Variants in MINDY3 observed in about 807,000 individuals in gnomAD.
The protein encoded by MINDY3 is ubiquitin carboxyl-terminal hydrolase MINDY-3.
Under a neutral mutation model 69.2 loss-of-function variants are expected in MINDY3, and 38 were observed. The ratio of observed to expected loss-of-function variants is 0.55; its 90% confidence interval spans 0.42 to 0.72. The LOEUF is 0.72. Ranked by LOEUF, MINDY3 falls within the 30% of genes least tolerant of loss-of-function variation. The probability of loss-of-function intolerance (pLI) is 0.00; values close to 1 mark genes in which losing one functional copy is unlikely to be tolerated. For missense variants in MINDY3, 522 were observed against 519.0 expected (o/e 1.01, Z -0.06); for synonymous variants, 192 against 180.1 (o/e 1.07, Z -0.53).
chr10:15,836,904 G>C (rs1833122708), intron 6 of MINDY3, among the ~76,000 whole-genome samples: 1 of 151,746 alleles, frequency 6.6e-6, no homozygotes, highest in African/African-American at 2.4e-5. Context: ...ACAGCTTCCA[G>C]AAGGGGTTAA....
Position 15,811,330 on chromosome 10 carries a change from A to G in MINDY3, c.882+5505T>C, listed in dbSNP as rs548721437. ...ACTTTCATCATATTTAATCGCTGAG[A>G]CCTTAGTTCATCCTGTATATAAATA... On this transcript the variant is annotated intron_variant, in intron 10 of 14. Transcript: ENST00000277632. 5.3e-5 allele frequency among the ~76,000 whole-genome samples: 8 copies of G among 152,250 alleles called. No individual in the cohort carries two copies. The East Asian group carries it at 1.5e-3, about 29-fold the overall frequency.
At chr10:15,827,021 G>C (rs1420499969) in intron 8 of MINDY3, among the ~76,000 whole-genome samples, 1 of 151,980 alleles carries the variant, frequency 6.6e-6, no homozygotes, top group Non-Finnish European at 1.5e-5. Flanking sequence ...TTGAGAGACT[G>C]AGGCAAGAGG....
intron 8 of MINDY3, among the ~76,000 whole-genome samples, chr10:15,828,578 T>TAAAA (rs57020273): frequency 1.4e-5 from 2 of 144,984 alleles, no homozygotes; most frequent in Admixed American, 6.9e-5. Context: ...AAGCTATAAG[T>TAAAA]AAAAAAAAAA....
chr10:15,834,031 A>C (rs555004755), intron 7 of MINDY3, among the ~76,000 whole-genome samples: 41 of 152,138 alleles, frequency 2.7e-4, no homozygotes, highest in African/African-American at 9.9e-4. Flanking sequence ...ATAATTATTA[A>C]TATTTTGTCT....
intron 11 of MINDY3, among the ~76,000 whole-genome samples, chr10:15,792,437 T>C (rs1441985705): frequency 1.3e-5 from 2 of 152,050 alleles, no homozygotes; most frequent in Non-Finnish European, 2.9e-5. Flanking sequence ...AGGTACAAAA[T>C]ATGGTGGCAC....
At chr10:15,781,563 C>T (rs551524255) in intron 14 of MINDY3, among the ~76,000 whole-genome samples, 159 of 152,134 alleles carry the variant, frequency 1.0e-3, no homozygotes, top group African/African-American at 3.7e-3. Context: ...GCTTTGTCAA[C>T]GGTTAGCAAA....
chr10:15,805,802 C>T (rs145305510), intron 10 of MINDY3, among the ~76,000 whole-genome samples: 9 of 152,234 alleles, frequency 5.9e-5, no homozygotes, highest in African/African-American at 1.4e-4. Flanking sequence ...AGAAGCTACT[C>T]CTTCAGCCCA....
chr10:15,802,927 A>G (rs1838369110), intron 10 of MINDY3, among the ~76,000 whole-genome samples: 1 of 152,196 alleles, frequency 6.6e-6, no homozygotes, highest in South Asian at 2.1e-4. Context: ...AGATGTGTTT[A>G]CACTAGAGGA....
intron 14 of MINDY3, 53 bp downstream of exon 14, chr10:15,782,102 A>G: frequency 2.3e-6 from 3 of 1,277,116 alleles, no homozygotes; most frequent in Admixed American, 3.5e-5. Context: ...ACATACTCAC[A>G]TAATTATTTC....
At chr10:15,814,356 A>G (rs1839211690) in intron 10 of MINDY3, among the ~76,000 whole-genome samples, 1 of 152,048 alleles carries the variant, frequency 6.6e-6, no homozygotes, top group African/African-American at 2.4e-5. Context: ...TACACAATGA[A>G]GCATCACAAT....
rs1833842528 is a variant in MINDY3 at position 15,846,343 on chromosome 10, T to A, written c.174+1521A>T. Among the ~76,000 whole-genome samples the A allele has an allele frequency of 2.0e-5, 3 of 152,158 alleles. No homozygotes were observed. The South Asian group carries it at 6.2e-4, about 31-fold the overall frequency. ...CTATTACTGACCAAGAGGGGCAGTATTTATATAATCTAATTTACATATGGA... is the reference window on the plus strand; with the variant it reads ...CTATTACTGACCAAGAGGGGCAGTAATTATATAATCTAATTTACATATGGA... On this transcript the variant is annotated intron_variant, in intron 2 of 14. Transcript: ENST00000277632.
intron 8 of MINDY3, among the ~76,000 whole-genome samples, chr10:15,827,231 A>C (rs1196533336): frequency 1.3e-5 from 2 of 151,556 alleles, no homozygotes; most frequent in African/African-American, 4.8e-5. Flanking sequence ...AAAAAGACCA[A>C]ATGATTTAAC....
chr10:15,860,418 G>T lies in MINDY3; in HGVS notation c.-119C>A. On this transcript the variant is annotated 5_prime_UTR_variant, in exon 1 of 15. Transcript: ENST00000277632. ...GGCGGCAAACGAATTGGAAGGTGAG[G>T]CAGGAAAGAAGAAGGGGCTGAGAGC... 1 of 765,376 alleles carries T rather than the reference G, an allele frequency of 1.3e-6. No individual in the cohort carries two copies. Among genetic ancestry groups the T allele is most frequent in the Non-Finnish European group, 2.3e-6 (1 of 442,172 alleles). 47.4% of individuals were successfully genotyped at this position (765,376 alleles called of 1,614,324 possible). A position where few individuals can be genotyped will look rare whatever the true frequency, so the allele number is the denominator to read the frequency against.
At chr10:15,851,279 C>A (rs1834276694) in intron 1 of MINDY3, among the ~76,000 whole-genome samples, 1 of 152,124 alleles carries the variant, frequency 6.6e-6, no homozygotes, top group African/African-American at 2.4e-5. Flanking sequence ...ACAGTCCATT[C>A]CTTGTTATAA....
chr10:15,788,626 A>C (rs1166504626), intron 12 of MINDY3, among the ~76,000 whole-genome samples: 9 of 152,116 alleles, frequency 5.9e-5, no homozygotes, highest in Non-Finnish European at 8.8e-5. Context: ...TCCACTTAAG[A>C]AGAGTTATTT....
rs138443885 is a variant in MINDY3, at chr10:15,786,742, G to A, written c.1029-94C>T. Reference sequence around the variant, plus strand: ...AAATTACTGGTACTACAACACATTCGGCTGCCAAAAACACTAAGAGCTGTT... The same window carrying A: ...AAATTACTGGTACTACAACACATTCAGCTGCCAAAAACACTAAGAGCTGTT... On this transcript the variant is annotated intron_variant, in intron 12 of 14. Coordinates refer to ENST00000277632, the MANE Select transcript of MINDY3 (RefSeq NM_024948.4). 1.7e-3 allele frequency: 1,256 copies of A among 749,932 alleles called. 11 individuals are homozygous for A. The highest frequency in any genetic ancestry group is 0.015 in the African/African-American group (863 of 56,194). The allele number at this position is 749,932 out of a possible 1,614,324, so 46.5% of individuals were successfully genotyped here. A position where few individuals can be genotyped will look rare whatever the true frequency, so the allele number is the denominator to read the frequency against.
At chr10:15,785,400 CAAATT>C (rs1423110747) in intron 13 of MINDY3, among the ~76,000 whole-genome samples, 6 of 152,114 alleles carry the variant, frequency 3.9e-5, no homozygotes, top group African/African-American at 7.2e-5. Flanking sequence ...AAATCTTCCC[CAAATT>C]AAATTAAAAA....
intron 1 of MINDY3, among the ~76,000 whole-genome samples, chr10:15,848,674 T>TAAAAAAAAAA (rs1834048557): frequency 2.6e-4 from 30 of 115,742 alleles, no homozygotes; most frequent in African/African-American, 9.8e-4. Flanking sequence ...AAAGAAAAAT[T>TAAAAAAAAAA]AAATGGCATT....
intron 11 of MINDY3, among the ~76,000 whole-genome samples, chr10:15,791,359 T>C (rs1837396814): frequency 6.6e-6 from 1 of 151,698 alleles, no homozygotes; most frequent in Non-Finnish European, 1.5e-5. Flanking sequence ...CCCTAGAGAA[T>C]AAGGAAACAG....
Sources: gnomAD v4.1 joint callset for allele counts (sites outside exome capture counted in the v4.1 genomes callset) on GRCh38, gnomAD v4.1.1 for gene constraint, MANE v1.5 for transcripts, NCBI Gene and HGNC (gene_info 2026-07-23, HGNC 2026-07-21) for gene names.